GSTO2: variants seen among roughly 807,000 people sequenced by gnomAD.
GSTO2 encodes glutathione S-transferase omega 2.
In GSTO2, 23 loss-of-function variants were observed where a neutral mutation model predicts 28.4. The observed-to-expected ratio is 0.81, with a 90% CI of 0.58 to 1.15. GSTO2 has a LOEUF of 1.15. GSTO2 is among the 50% of genes most tolerant of loss of function. The pLI is 0.00. For synonymous variants in GSTO2, 109 were observed against 111.0 expected, an observed-to-expected ratio of 0.98 and a Z score of 0.11; for missense variants, 298 against 297.8, an observed-to-expected ratio of 1.00 and a Z score of 0.00.
rs762755198 is a variant in GSTO2 at position 104,297,705 on chromosome 10, G to T, written c.575+21G>T. ...CTGGAGTAAGACATTTGACATTGTG[G>T]TGTTAAATTCCCGGAGTCACACTGA... On this transcript the variant is annotated intron_variant, in intron 6 of 6. Coordinates refer to ENST00000338595, the MANE Select transcript of GSTO2 (RefSeq NM_183239.2). 3.3e-6 allele frequency: 5 copies of T among 1,530,424 alleles called. No individual in the cohort carries two copies. The African/African-American group carries it at 4.1e-5, about 13-fold the overall frequency. The allele number at this position is 1,530,424 out of a possible 1,614,324, so 94.8% of individuals were successfully genotyped here. A position where few individuals can be genotyped will look rare whatever the true frequency, so the allele number is the denominator to read the frequency against.
intron 5 of GSTO2, among the ~76,000 whole-genome samples, chr10:104,294,250 T>C (rs2012921932): frequency 6.6e-6 from 1 of 152,238 alleles, no homozygotes; most frequent in South Asian, 2.1e-4. Flanking sequence ...CTTTGTGTAA[T>C]GATCATGGTA....
intron 4 of GSTO2, among the ~76,000 whole-genome samples, chr10:104,278,809 C>T (rs1261915913): frequency 6.6e-6 from 1 of 152,118 alleles, no homozygotes; most frequent in Non-Finnish European, 1.5e-5. Flanking sequence ...CATAAGAGTG[C>T]CTGCTGTCCA....
chr10:104,274,236 G>C (rs2011528956), intron 1 of GSTO2, among the ~76,000 whole-genome samples: 1 of 152,120 alleles, frequency 6.6e-6, no homozygotes, highest in Non-Finnish European at 1.5e-5. Context: ...GTTTTTCAGA[G>C]CTTGGGTAAA....
intron 1 of GSTO2, among the ~76,000 whole-genome samples, chr10:104,271,358 C>T (rs932525761): frequency 6.6e-6 from 1 of 152,194 alleles, no homozygotes; most frequent in Admixed American, 6.5e-5. Context: ...TTGGAATGCA[C>T]TCTGCTATTT....
rs2011738674 is a variant in GSTO2, at chr10:104,277,952, C to G, written c.202C>G (p.Pro68Ala). 2.5e-6 allele frequency: 4 copies of G among 1,613,886 alleles called. No homozygotes were observed. The Admixed American group carries it at 5.0e-5, about 20-fold the overall frequency. Residue 68 changes from proline (P) to alanine (A), a missense_variant, in exon 4 of 7, where the codon CCT becomes GCT. Coordinates refer to ENST00000338595, the MANE Select transcript of GSTO2 (RefSeq NM_183239.2). ...GCCTGAATGGTACTATACAAAGCACCCTTTTGGCCACATTCCTGTCCTGGA... is the reference window on the plus strand; with the variant it reads ...GCCTGAATGGTACTATACAAAGCACGCTTTTGGCCACATTCCTGTCCTGGA... ...NKPEWYYTKH[P>A]FGHIPVLETS... is the part of the protein sequence containing the mutation.
chr10:104,286,388 C>A (rs1312689884), intron 5 of GSTO2, among the ~76,000 whole-genome samples: 1 of 152,162 alleles, frequency 6.6e-6, no homozygotes, highest in East Asian at 1.9e-4. Context: ...TTTTCACATA[C>A]CATAATGTTC....
chr10:104,273,962 A>G (rs919101943), intron 1 of GSTO2, among the ~76,000 whole-genome samples: 3 of 152,220 alleles, frequency 2.0e-5, no homozygotes, highest in African/African-American at 7.2e-5. Flanking sequence ...AGCAATTCCC[A>G]CATCAGCTCA....
chr10:104,278,182 C>A (rs2011762298), intron 4 of GSTO2, 66 bp downstream of exon 4: 1 of 1,283,704 alleles, frequency 7.8e-7, no homozygotes, highest in Non-Finnish European at 1.1e-6. Context: ...AAACCTCAAC[C>A]CATTTTAAAG....
intron 1 of GSTO2, among the ~76,000 whole-genome samples, 162 bp downstream of exon 1, chr10:104,269,431 C>T (rs1330714528): frequency 1.3e-5 from 2 of 152,232 alleles, no homozygotes; most frequent in Admixed American, 6.5e-5. Context: ...GCCACTGTTG[C>T]ATCAAAGAAT....
At chr10:104,293,910 G>A (rs563306447) in intron 5 of GSTO2, among the ~76,000 whole-genome samples, 1 of 152,298 alleles carries the variant, frequency 6.6e-6, no homozygotes, top group South Asian at 2.1e-4. Context: ...TGATATGCGT[G>A]TTAGTTCCAG....
intron 5 of GSTO2, among the ~76,000 whole-genome samples, chr10:104,292,128 C>G (rs908616910): frequency 5.7e-4 from 87 of 151,558 alleles, no homozygotes; most frequent in Non-Finnish European, 5.9e-5. Flanking sequence ...CTTGTTCATA[C>G]AAAAGACAGG....
At position 104,301,299 on chromosome 10, in the gene GSTO2, C is replaced by A. The variant is rs2013250593; in HGVS notation, c.*2015C>A. On this transcript the variant is annotated 3_prime_UTR_variant, in exon 7 of 7. Transcript: ENST00000338595. ...GTGTTCTCTTTTGGGGCTCCGCACA[C>A]TAATTTAGAAAGCTTGAAGAACCAG... 1 of 152,214 alleles carries A rather than the reference C, an allele frequency of 6.6e-6. No homozygotes were observed. The highest frequency in any genetic ancestry group is 6.5e-5 in the Admixed American group (1 of 15,280). 9.4% of individuals were successfully genotyped at this position (152,214 alleles called of 1,614,324 possible). A position where few individuals can be genotyped will look rare whatever the true frequency, so the allele number is the denominator to read the frequency against.
At chr10:104,294,820 A>T (rs1006778045) in intron 5 of GSTO2, among the ~76,000 whole-genome samples, 15 of 152,216 alleles carry the variant, frequency 9.9e-5, no homozygotes, top group Non-Finnish European at 7.3e-5. Flanking sequence ...GATCATGTAT[A>T]TTTAGAGGCA....
intron 5 of GSTO2, chr10:104,285,991 G>A (rs1207887173): frequency 5.6e-6 from 2 of 356,024 alleles, no homozygotes; most frequent in South Asian, 2.2e-5. Context: ...ACAATTTTCT[G>A]TATCCTTTTA....
At chr10:104,275,054 A>G (rs2011561591) in intron 2 of GSTO2, 105 bp downstream of exon 2, 2 of 1,484,516 alleles carry the variant, frequency 1.3e-6, no homozygotes, top group African/African-American at 2.9e-5. Flanking sequence ...CGGGGCAGGA[A>G]GGGACTTGGA....
At chr10:104,277,345 G>A (rs937255198) in intron 3 of GSTO2, among the ~76,000 whole-genome samples, 2 of 151,060 alleles carry the variant, frequency 1.3e-5, no homozygotes, top group East Asian at 3.9e-4. Context: ...GTACAGTGGT[G>A]TAATCTCAGC....
At chr10:104,289,084 T>A (rs1247203067) in intron 5 of GSTO2, among the ~76,000 whole-genome samples, 1 of 152,256 alleles carries the variant, frequency 6.6e-6, no homozygotes, top group South Asian at 2.1e-4. Context: ...ACAAATATAT[T>A]GTGATTTGTT....
chr10:104,304,443 A>G lies in GSTO2; in HGVS notation c.*5159A>G, dbSNP rs2013344203. The G allele has an allele frequency of 6.6e-6, 1 of 152,184 alleles. No homozygotes were observed. Among genetic ancestry groups the G allele is most frequent in the African/African-American group, 2.4e-5 (1 of 41,434 alleles). The allele number at this position is 152,184 out of a possible 1,614,324, so 9.4% of individuals were successfully genotyped here. A position where few individuals can be genotyped will look rare whatever the true frequency, so the allele number is the denominator to read the frequency against. On this transcript the variant is annotated 3_prime_UTR_variant, in exon 7 of 7. Coordinates refer to ENST00000338595, the MANE Select transcript of GSTO2 (RefSeq NM_183239.2). ...AGAAGTGGCGTGCCATAGGGGTTAC[A>G]AACAGGGCTTCAAGGTTAGCACTGG...
chr10:104,280,471 G>A (rs1455042796), intron 5 of GSTO2, among the ~76,000 whole-genome samples: 4 of 152,134 alleles, frequency 2.6e-5, no homozygotes, highest in African/African-American at 9.7e-5. Flanking sequence ...ACATTTCGTT[G>A]GCCAGAACTT....
Sources: gnomAD v4.1 joint callset for allele counts (sites outside exome capture counted in the v4.1 genomes callset) on GRCh38, gnomAD v4.1.1 for gene constraint, MANE v1.5 for transcripts, NCBI Gene and HGNC (gene_info 2026-07-23, HGNC 2026-07-21) for gene names.